Variants in AGAP1 observed in about 807,000 individuals in gnomAD.
The protein encoded by AGAP1 is ArfGAP with GTPase domain, ankyrin repeat and PH domain 1.
In AGAP1, 29 loss-of-function variants were observed where a neutral mutation model predicts 105.3. The ratio of observed to expected loss-of-function variants is 0.28; its 90% confidence interval spans 0.21 to 0.38. The LOEUF is 0.38. AGAP1 is among the 10% of genes least tolerant of loss of function. The pLI is 1.00. For missense variants in AGAP1, 998 were observed against 1,165.1 expected (o/e 0.86, Z 2.09); for synonymous variants, 509 against 485.9 (o/e 1.05, Z -0.63).
At chr2:235,709,781 T>C (rs3820779) in intron 2 of AGAP1, among the ~76,000 whole-genome samples, 78,188 of 152,082 alleles carry the variant, frequency 0.51, 21,023 homozygotes, top group African/African-American at 0.67. Flanking sequence ...TATGTAGAGC[T>C]TCAAATTGGC....
Position 236,040,777 on chromosome 2 carries a change from C to T in AGAP1, c.1827C>T (p.Ala609=). ...NKSRLTSQSE[A]MALQSIRNMR... ...CCCGGCTGACGAGCCAGAGCGAGGC[C>T]ATGGCCCTGCAGTCGATCCGGAACA... The change falls in exon 15 of 18, where the codon GCC becomes GCT. Residue 609 remains alanine (A), a synonymous_variant. Transcript: ENST00000304032. The surrounding 1 kb of genome is among the most constrained non-coding windows in gnomAD (Gnocchi z 5.6). The T allele has an allele frequency of 6.2e-7, 1 of 1,613,670 alleles. No homozygotes were observed. Among genetic ancestry groups the T allele is most frequent in the Non-Finnish European group, 8.5e-7 (1 of 1,180,024 alleles).
Position 235,563,537 on chromosome 2 carries a change from TCAGA to T in AGAP1, c.163+68692_163+68695del, listed in dbSNP as rs566413939. Among the ~76,000 whole-genome samples the T allele has an allele frequency of 1.5e-4, 22 of 144,846 alleles. No individual in the cohort carries two copies. In the South Asian group the frequency reaches 5.0e-3, roughly 33 times the overall value. On this transcript the variant is annotated intron_variant, in intron 1 of 17. Transcript: ENST00000304032. ...AGCACACACTGGGCTATTTTTACAG[TCAGA>T]CAGGAAGTTGTCGTTTTATAACTTT...
rs190920960 is a variant in AGAP1, at chr2:235,997,862, G to A, written c.1645+29239G>A. Among the ~76,000 whole-genome samples, 226 of 151,894 alleles carry A rather than the reference G, an allele frequency of 1.5e-3. 1 individual carries two copies. The highest frequency in any genetic ancestry group is 5.3e-3 in the African/African-American group (221 of 41,408). On this transcript the variant is annotated intron_variant, in intron 13 of 17. Transcript: ENST00000304032. ...GACTTCCCAGTACATTTGTTTATGG[G>A]GTATTCTTTGAAACCACGAGCCACA...
At chr2:235,696,767 G>A (rs1042171445) in intron 1 of AGAP1, among the ~76,000 whole-genome samples, 6 of 151,914 alleles carry the variant, frequency 3.9e-5, no homozygotes, top group Admixed American at 1.3e-4. Context: ...AATGAGCCCC[G>A]TCCCCACCTT....
chr2:235,870,557 T>C (rs528250584), intron 9 of AGAP1, among the ~76,000 whole-genome samples: 1 of 151,422 alleles, frequency 6.6e-6, no homozygotes, highest in South Asian at 2.1e-4. Flanking sequence ...ACCTGAGAGG[T>C]GGAGGTTGTG....
Position 235,888,374 on chromosome 2 carries a change from T to C in AGAP1, c.1155+4925T>C, listed in dbSNP as rs1219680509. On this transcript the variant is annotated intron_variant, in intron 10 of 17. Transcript: ENST00000304032. This position sits in a 1 kb window ranked among gnomAD's most constrained non-coding sequence, Gnocchi z 4.8. ...ATTGCCTGTGTGGGATAGGAGGGTCTAGAAGGCTCGACTCCCCTCCTAGGG... is the reference window on the plus strand; with the variant it reads ...ATTGCCTGTGTGGGATAGGAGGGTCCAGAAGGCTCGACTCCCCTCCTAGGG... Among the ~76,000 whole-genome samples, 1 of 152,080 alleles carries C rather than the reference T, an allele frequency of 6.6e-6. No homozygotes were observed. Among genetic ancestry groups the C allele is most frequent in the Non-Finnish European group, 1.5e-5 (1 of 68,008 alleles).
chr2:236,049,669 C>T (rs534979643), intron 16 of AGAP1: 133 of 155,758 alleles, frequency 8.5e-4, no homozygotes, highest in Non-Finnish European at 1.5e-3. Flanking sequence ...TCTGCTCTGT[C>T]GATCCCCCCC....
intron 1 of AGAP1, among the ~76,000 whole-genome samples, chr2:235,616,050 G>T (rs1007165581): frequency 6.6e-6 from 1 of 152,122 alleles, no homozygotes; most frequent in Non-Finnish European, 1.5e-5. Flanking sequence ...GTTGATTAAA[G>T]AGTAACAATT....
chr2:235,502,159 C>T (rs555509923), intron 1 of AGAP1, among the ~76,000 whole-genome samples: 49 of 152,166 alleles, frequency 3.2e-4, no homozygotes, highest in African/African-American at 1.2e-3. Context: ...TGGTATTGTC[C>T]GTGGGGTCCA....
intron 3 of AGAP1, among the ~76,000 whole-genome samples, chr2:235,726,379 C>CAA (rs1951646097): frequency 6.6e-6 from 1 of 152,198 alleles, no homozygotes; most frequent in African/African-American, 2.4e-5. Flanking sequence ...GATATTTTAA[C>CAA]AAAACCGTTC....
chr2:235,701,409 G>A lies in AGAP1; in HGVS notation c.164-7770G>A, dbSNP rs1459396671. Among the ~76,000 whole-genome samples the A allele has an allele frequency of 6.6e-6, 1 of 152,144 alleles. No homozygotes were observed. The highest frequency in any genetic ancestry group is 1.5e-5 in the Non-Finnish European group (1 of 68,028). ...TGTACCTGCAGGGGTGGGCATGGTG[G>A]CATCTTGGTGGCCAGGTGTTCGTCA... On this transcript the variant is annotated intron_variant, in intron 1 of 17. Transcript: ENST00000304032. The surrounding 1 kb of genome is among the most constrained non-coding windows in gnomAD (Gnocchi z 4.1).
chr2:235,862,374 G>A (rs890890596), intron 9 of AGAP1, among the ~76,000 whole-genome samples: 8 of 152,204 alleles, frequency 5.3e-5, no homozygotes, highest in Non-Finnish European at 1.2e-4. Flanking sequence ...AGTAATAGCA[G>A]TATAAGGAAA....
intron 1 of AGAP1, among the ~76,000 whole-genome samples, chr2:235,541,891 C>T (rs901484243): frequency 6.6e-5 from 10 of 152,126 alleles, no homozygotes; most frequent in African/African-American, 1.7e-4. Context: ...TGATAATGCA[C>T]GTCGCTATAG....
chr2:235,929,851 A>T (rs2052636684), intron 11 of AGAP1, among the ~76,000 whole-genome samples: 1 of 152,242 alleles, frequency 6.6e-6, no homozygotes, highest in Non-Finnish European at 1.5e-5. Flanking sequence ...TGGGCTGCGT[A>T]TTTATTATAA....
chr2:236,090,705 T>C lies in AGAP1; in HGVS notation c.2115-29487T>C, dbSNP rs1243202911. On this transcript the variant is annotated intron_variant, in intron 16 of 17. Transcript: ENST00000304032. The surrounding 1 kb of genome is among the most constrained non-coding windows in gnomAD (Gnocchi z 4.3). ...AAACATAATCCTTCCTTGTTTTTCTTTTGTTGGTGGTGGTTGTGTTTGTTT... is the reference window on the plus strand; with the variant it reads ...AAACATAATCCTTCCTTGTTTTTCTCTTGTTGGTGGTGGTTGTGTTTGTTT... 6.6e-6 allele frequency among the ~76,000 whole-genome samples: 1 copy of C among 152,044 alleles called. No homozygotes were observed. The highest frequency in any genetic ancestry group is 1.5e-5 in the Non-Finnish European group (1 of 68,024).
chr2:235,825,578 A>G (rs1355482503), intron 9 of AGAP1, among the ~76,000 whole-genome samples: 1 of 152,224 alleles, frequency 6.6e-6, no homozygotes, highest in East Asian at 1.9e-4. Context: ...AGTAGATGGT[A>G]GTATTTTATT....
At chr2:235,807,557 C>T (rs1216676526) in intron 9 of AGAP1, among the ~76,000 whole-genome samples, 1 of 152,238 alleles carries the variant, frequency 6.6e-6, no homozygotes, top group Non-Finnish European at 1.5e-5. Flanking sequence ...TGCGGGCTGC[C>T]CGCCTGCATA....
At chr2:235,606,213 A>G (rs182735255) in intron 1 of AGAP1, among the ~76,000 whole-genome samples, 2 of 152,152 alleles carry the variant, frequency 1.3e-5, no homozygotes, top group African/African-American at 2.4e-5. Context: ...ATTGCTTCAC[A>G]TATGTTTGCG....
Position 235,908,613 on chromosome 2 carries a change from G to A in AGAP1, c.1156-125G>A, listed in dbSNP as rs76267641. On this transcript the variant is annotated intron_variant, in intron 10 of 17. Transcript: ENST00000304032. This position sits in a 1 kb window ranked among gnomAD's most constrained non-coding sequence, Gnocchi z 4.4. The stretch of plus-strand genomic sequence containing the variant: ...AGATAAAAATCTCATGATTTTTAAA[G>A]TACTTTCCACAGTGGAAGGGTCATA... 21,503 of 789,222 alleles carry A rather than the reference G, an allele frequency of 0.027. 385 individuals are homozygous for A. The highest frequency in any genetic ancestry group is 0.035 in the Non-Finnish European group (17,719 of 513,342). The allele number at this position is 789,222 out of a possible 1,614,324, so 48.9% of individuals were successfully genotyped here.
Sources: gnomAD v4.1 joint callset for allele counts (sites outside exome capture counted in the v4.1 genomes callset) on GRCh38, gnomAD v4.1.1 for gene constraint, Gnocchi (gnomAD v3.1) non-coding constraint, MANE v1.5 for transcripts, NCBI Gene and HGNC (gene_info 2026-07-23, HGNC 2026-07-21) for gene names.